SLC35F4: variants seen among roughly 807,000 people sequenced by gnomAD.
SLC35F4 encodes the protein solute carrier family 35 member F4, also known as chromosome 14 open reading frame 36.
Under a neutral mutation model 44.2 loss-of-function variants are expected in SLC35F4, and 24 were observed. That is an observed-to-expected ratio of 0.54 (90% CI 0.39 to 0.76). SLC35F4 has a LOEUF of 0.76. SLC35F4 is among the 30% of genes least tolerant of loss of function. SLC35F4 has a pLI of 0.00. For synonymous variants in SLC35F4, 238 were observed against 223.6 expected (o/e 1.06, Z -0.57); for missense variants, 562 against 586.1 (o/e 0.96, Z 0.42).
chr14:57,605,846 G>A (rs1050309336), intron 1 of SLC35F4, among the ~76,000 whole-genome samples: 2 of 151,910 alleles, frequency 1.3e-5, no homozygotes, highest in Non-Finnish European at 2.9e-5. Context: ...TATCCTAAGC[G>A]AACTAATGCA....
intron 1 of SLC35F4, among the ~76,000 whole-genome samples, chr14:57,834,786 G>A (rs550526427): frequency 7.2e-5 from 11 of 152,314 alleles, no homozygotes; most frequent in Middle Eastern, 3.4e-3. Context: ...TTAGGAGGCC[G>A]AGGTAGGCGG....
chr14:57,694,593 A>G (rs140290296), intron 1 of SLC35F4, among the ~76,000 whole-genome samples: 248 of 152,314 alleles, frequency 1.6e-3, no homozygotes, highest in South Asian at 9.1e-3. Context: ...AGAGTTTGAT[A>G]GATATTTCAC....
intron 1 of SLC35F4, among the ~76,000 whole-genome samples, chr14:57,801,108 G>A (rs1200019361): frequency 6.6e-6 from 1 of 151,992 alleles, no homozygotes; most frequent in Non-Finnish European, 1.5e-5. Flanking sequence ...AATATTAAGG[G>A]CAGCCAGAAA....
chr14:57,712,415 T>G (rs992689841), intron 1 of SLC35F4, among the ~76,000 whole-genome samples: 13 of 152,220 alleles, frequency 8.5e-5, no homozygotes, highest in African/African-American at 2.9e-4. Context: ...GGAAATATCC[T>G]GCTAGTGAAA....
chr14:57,889,473 T>C (rs535231622), intron 1 of SLC35F4, among the ~76,000 whole-genome samples: 21 of 152,352 alleles, frequency 1.4e-4, no homozygotes, highest in Admixed American at 5.2e-4. Context: ...GTAATTCATG[T>C]TCACCAAAAG....
chr14:57,773,138 CT>C (rs1209060910), intron 1 of SLC35F4, among the ~76,000 whole-genome samples: 2 of 152,034 alleles, frequency 1.3e-5, no homozygotes, highest in Non-Finnish European at 2.9e-5. Flanking sequence ...TGTATTTCTT[CT>C]TTTGAGAAAT....
chr14:57,582,170 AT>A lies in SLC35F4; in HGVS notation c.588-738del, dbSNP rs146224767. The stretch of plus-strand genomic sequence containing the variant: ...TTGGCTACATTTAGCCCCAGGGGCC[AT>A]TTTTTTCCTTTAAGTCCTAGGCCTA... On this transcript the variant is annotated intron_variant, in intron 3 of 7. Coordinates refer to ENST00000556826, the MANE Select transcript of SLC35F4 (RefSeq NM_001306087.2). Among the ~76,000 whole-genome samples the A allele has an allele frequency of 2.6e-3, 392 of 151,398 alleles. 17 individuals are homozygous for A. The East Asian group carries it at 0.07, about 27-fold the overall frequency.
At chr14:57,811,816 C>CA (rs553668589) in intron 1 of SLC35F4, among the ~76,000 whole-genome samples, 130 of 151,750 alleles carry the variant, frequency 8.6e-4, no homozygotes, top group Non-Finnish European at 1.3e-3. Flanking sequence ...CCTGTTTTTA[C>CA]AAAAAAAATT....
intron 1 of SLC35F4, among the ~76,000 whole-genome samples, chr14:57,939,999 T>C (rs1159928454): frequency 1.3e-5 from 2 of 152,192 alleles, no homozygotes; most frequent in Admixed American, 6.5e-5. Flanking sequence ...CATTCCCTTT[T>C]TGGAGAACAG....
At chr14:57,667,458 A>T (rs184013729) in intron 1 of SLC35F4, among the ~76,000 whole-genome samples, 2 of 150,666 alleles carry the variant, frequency 1.3e-5, no homozygotes, top group East Asian at 2.0e-4. Context: ...AACATTAGGT[A>T]TATCTCCTAA....
chr14:57,903,917 A>C (rs1247116068), intron 1 of SLC35F4, among the ~76,000 whole-genome samples: 1 of 152,194 alleles, frequency 6.6e-6, no homozygotes, highest in Admixed American at 6.5e-5. Context: ...TGATTCTGTC[A>C]CTTGACAAGA....
intron 1 of SLC35F4, among the ~76,000 whole-genome samples, chr14:57,693,798 G>T (rs2075301633): frequency 6.6e-6 from 1 of 151,990 alleles, no homozygotes; most frequent in African/African-American, 2.4e-5. Flanking sequence ...TCGGCAATTT[G>T]TCCCCTAACT....
chr14:57,573,718 G>A (rs1476487110), intron 4 of SLC35F4, among the ~76,000 whole-genome samples: 3 of 152,092 alleles, frequency 2.0e-5, no homozygotes, highest in South Asian at 2.1e-4. Flanking sequence ...AAATAAAAAA[G>A]GCACATTAGA....
At chr14:57,715,185 G>GA (rs2140415852) in intron 1 of SLC35F4, among the ~76,000 whole-genome samples, 1 of 152,216 alleles carries the variant, frequency 6.6e-6, no homozygotes, top group South Asian at 2.1e-4. Flanking sequence ...AAGGCAAATG[G>GA]CAGCGCAGTT....
intron 1 of SLC35F4, among the ~76,000 whole-genome samples, chr14:57,758,124 T>G (rs2077040430): frequency 6.6e-6 from 1 of 151,974 alleles, no homozygotes; most frequent in South Asian, 2.1e-4. Flanking sequence ...ACACTCTTAT[T>G]TTTTTCTCTG....
chr14:57,954,715 A>G (rs940736401), intron 1 of SLC35F4, among the ~76,000 whole-genome samples: 3 of 152,124 alleles, frequency 2.0e-5, no homozygotes, highest in South Asian at 2.1e-4. Flanking sequence ...CCCTCCCAAG[A>G]CTAAACCAGG....
At chr14:57,916,794 C>T (rs999859689) in intron 1 of SLC35F4, among the ~76,000 whole-genome samples, 7 of 152,186 alleles carry the variant, frequency 4.6e-5, no homozygotes, top group African/African-American at 1.7e-4. Context: ...AACAAACCTG[C>T]ACATGTACCC....
intron 1 of SLC35F4, among the ~76,000 whole-genome samples, chr14:57,946,301 C>T (rs1890024246): frequency 6.6e-6 from 1 of 152,122 alleles, no homozygotes. Context: ...TTGATTTTTA[C>T]ACAAGGTGAG....
chr14:57,810,530 CCT>C (rs1260814655), intron 1 of SLC35F4, among the ~76,000 whole-genome samples: 1 of 152,190 alleles, frequency 6.6e-6, no homozygotes, highest in African/African-American at 2.4e-5. Context: ...TCAATTTTAG[CCT>C]CTCTTCTCAC....
Sources: gnomAD v4.1 joint callset for allele counts (sites outside exome capture counted in the v4.1 genomes callset) on GRCh38, gnomAD v4.1.1 for gene constraint, MANE v1.5 for transcripts, NCBI Gene and HGNC (gene_info 2026-07-23, HGNC 2026-07-21) for gene names.